CRADD: variants seen among roughly 807,000 people sequenced by gnomAD.
The protein encoded by CRADD is death domain-containing protein CRADD.
A neutral mutation model predicts 15.5 loss-of-function variants in CRADD; 9 were observed. The observed-to-expected ratio is 0.58, with a 90% confidence interval of 0.35 to 1.01. The LOEUF (loss-of-function observed/expected upper bound fraction) is 1.01. Among genes scored for constraint, CRADD ranks in the 50% least tolerant of loss-of-function variants. CRADD has a pLI of 0.02. For synonymous variants in CRADD, 118 were observed against 107.6 expected (o/e 1.10, Z -0.60); for missense variants, 227 against 250.3 (o/e 0.91, Z 0.63).
chr12:93,708,793 T>C (rs1956004525), intron 2 of CRADD: 1 of 152,208 alleles, frequency 6.6e-6, no homozygotes, highest in Non-Finnish European at 1.5e-5. Context: ...CAGGGTGTGC[T>C]TTTTGGGCTG....
At chr12:93,754,029 C>G (rs974053112) in intron 2 of CRADD, among the ~76,000 whole-genome samples, 2 of 152,268 alleles carry the variant, frequency 1.3e-5, no homozygotes, top group Non-Finnish European at 2.9e-5. Flanking sequence ...ATACCTCTGC[C>G]TGGACATCCA....
intron 2 of CRADD, among the ~76,000 whole-genome samples, chr12:93,873,235 T>C (rs963416646): frequency 1.6e-5 from 2 of 126,368 alleles, no homozygotes; most frequent in Non-Finnish European, 3.8e-5. Flanking sequence ...ATAGAAACAC[T>C]ACTGTTTTTG....
intron 2 of CRADD, among the ~76,000 whole-genome samples, chr12:93,710,554 A>G (rs1175485366): frequency 6.6e-6 from 1 of 152,010 alleles, no homozygotes; most frequent in Non-Finnish European, 1.5e-5. Context: ...CATGTTGGCC[A>G]GGCTGGTCTC....
intron 2 of CRADD, among the ~76,000 whole-genome samples, chr12:93,813,958 A>G (rs1957659738): frequency 6.6e-6 from 1 of 152,138 alleles, no homozygotes; most frequent in African/African-American, 2.4e-5. Flanking sequence ...ACAGAGCAGA[A>G]ATTGACTTGG....
At chr12:93,745,852 C>G (rs1193295251) in intron 2 of CRADD, among the ~76,000 whole-genome samples, 1 of 152,098 alleles carries the variant, frequency 6.6e-6, no homozygotes, top group Non-Finnish European at 1.5e-5. Flanking sequence ...GTCAATGGAT[C>G]CATGCCAGTA....
In CRADD at chr12:93,720,760, G is replaced by A. The variant is rs193072296; in HGVS notation, c.298+41688G>A. Among the ~76,000 whole-genome samples the A allele has an allele frequency of 8.5e-4, 129 of 152,218 alleles. 1 individual carries two copies. Among genetic ancestry groups the A allele is most frequent in the African/African-American group, 2.6e-3 (109 of 41,528 alleles). ...ACTTGCTTTTGATTATTGTTAGTGT[G>A]GTATAGCTTTCTCCAACCATTTAAA... On this transcript the variant is annotated intron_variant, in intron 2 of 2. Coordinates refer to ENST00000332896, the MANE Select transcript of CRADD (RefSeq NM_003805.5).
chr12:93,814,168 A>G (rs1957664547), intron 2 of CRADD, among the ~76,000 whole-genome samples: 1 of 152,188 alleles, frequency 6.6e-6, no homozygotes, highest in Admixed American at 6.5e-5. Flanking sequence ...TTTTCCCATA[A>G]CTACTGTCAT....
At chr12:93,854,534 C>T (rs192775789), downstream of CRADD, among the ~76,000 whole-genome samples, 2 of 152,248 alleles carry the variant, frequency 1.3e-5, no homozygotes, top group East Asian at 1.9e-4. Context: ...GAGAGAGGAG[C>T]GGAATAATTT....
chr12:93,879,215 A>G lies in CRADD; in HGVS notation c.299-14835A>G, dbSNP rs1240989897. On this transcript the variant is annotated intron_variant, in intron 2 of 2. Coordinates refer to the CRADD transcript ENST00000548483. ...TTTGTTAATCATATTTTTAGTTTTT[A>G]AAGATTTCTTTCTTTTTCTCTGATT... is the stretch of plus-strand genomic sequence containing the variant. Among the ~76,000 whole-genome samples, 6 of 152,024 alleles carry G rather than the reference A, an allele frequency of 3.9e-5. No individual in the cohort carries two copies. In the East Asian group the frequency reaches 1.2e-3, roughly 29 times the overall value.
At chr12:93,828,925 G>C (rs961848445) in intron 2 of CRADD, among the ~76,000 whole-genome samples, 1 of 152,170 alleles carries the variant, frequency 6.6e-6, no homozygotes, top group African/African-American at 2.4e-5. Flanking sequence ...TTTCCAGGGG[G>C]ATGTGTTCAT....
intron 2 of CRADD, among the ~76,000 whole-genome samples, chr12:93,742,571 G>C (rs905966273): frequency 6.6e-6 from 1 of 152,082 alleles, no homozygotes; most frequent in Non-Finnish European, 1.5e-5. Flanking sequence ...AATACGGAGC[G>C]ATCAGCTTGT....
intron 2 of CRADD, among the ~76,000 whole-genome samples, chr12:93,690,625 G>A (rs1157688602): frequency 6.6e-6 from 1 of 152,228 alleles, no homozygotes; most frequent in African/African-American, 2.4e-5. Flanking sequence ...AGCCCTTTGA[G>A]GTAGGCACTA....
At chr12:93,764,642 C>A (rs956432903) in intron 2 of CRADD, among the ~76,000 whole-genome samples, 6 of 151,822 alleles carry the variant, frequency 4.0e-5, no homozygotes, top group Non-Finnish European at 8.8e-5. Flanking sequence ...TGGAAATTGA[C>A]CTTCCTGCTA....
intron 2 of CRADD, chr12:93,733,643 C>A: frequency 6.6e-6 from 1 of 152,482 alleles, no homozygotes. Flanking sequence ...CCTGGGGAGG[C>A]TGCCTGCTCA....
chr12:93,771,371 A>G (rs1009406461), intron 2 of CRADD, among the ~76,000 whole-genome samples: 9 of 152,168 alleles, frequency 5.9e-5, no homozygotes, highest in African/African-American at 1.9e-4. Flanking sequence ...TTTAATTACT[A>G]TTGACAGTGA....
chr12:93,819,893 A>T (rs1290241611), intron 2 of CRADD, among the ~76,000 whole-genome samples: 1 of 152,230 alleles, frequency 6.6e-6, no homozygotes, highest in African/African-American at 2.4e-5. Flanking sequence ...TTGATTCTCT[A>T]ACTCAGACCC....
chr12:93,685,743 G>C (rs1295494433), intron 2 of CRADD, among the ~76,000 whole-genome samples: 1 of 152,186 alleles, frequency 6.6e-6, no homozygotes, highest in Non-Finnish European at 1.5e-5. Context: ...TGTGATCCCA[G>C]CATTTTGGGA....
intron 2 of CRADD, among the ~76,000 whole-genome samples, chr12:93,838,314 A>C (rs1442261552): frequency 2.0e-5 from 3 of 147,270 alleles, no homozygotes; most frequent in Non-Finnish European, 4.4e-5. Context: ...TTAATTCATG[A>C]GTCCTGGGAG....
intron 2 of CRADD, among the ~76,000 whole-genome samples, chr12:93,682,789 G>A (rs936455774): frequency 6.6e-6 from 1 of 151,710 alleles, no homozygotes; most frequent in Non-Finnish European, 1.5e-5. Context: ...CTGCCTCTGT[G>A]ACTAGTCTCC....
Sources: allele counts gnomAD v4.1 joint callset (sites outside exome capture counted in the v4.1 genomes callset), GRCh38; gene constraint gnomAD v4.1.1; transcripts MANE v1.5; gene names NCBI Gene and HGNC (gene_info 2026-07-23, HGNC 2026-07-21).